RGL1: variants seen among roughly 807,000 people sequenced by gnomAD.
RGL1 encodes ral guanine nucleotide dissociation stimulator-like 1.
RGL1 carries 24 observed loss-of-function variants against 95.2 expected under a neutral mutation model. That is an observed-to-expected ratio of 0.25 (90% confidence interval 0.18 to 0.35). RGL1 has a LOEUF of 0.35. RGL1 is among the 10% of genes least tolerant of loss of function. RGL1 has a pLI of 1.00. For synonymous variants in RGL1, 329 were observed against 344.9 expected (o/e 0.95, Z 0.51); for missense variants, 715 against 936.3 (o/e 0.76, Z 3.08).
At chr1:183,869,377 G>C (rs184742396) in intron 4 of RGL1, among the ~76,000 whole-genome samples, 12 of 152,330 alleles carry the variant, frequency 7.9e-5, no homozygotes, top group African/African-American at 2.9e-4. Flanking sequence ...GCTTCACACA[G>C]AACTCCCCTG....
intron 17 of RGL1, among the ~76,000 whole-genome samples, chr1:183,922,955 A>G (rs1163435229): frequency 6.6e-6 from 1 of 152,184 alleles, no homozygotes; most frequent in East Asian, 1.9e-4. Context: ...TTTGGGGGAA[A>G]TAATCACCCT....
At chr1:183,797,177 A>G (rs745328257) in intron 2 of RGL1, among the ~76,000 whole-genome samples, 28 of 151,854 alleles carry the variant, frequency 1.8e-4, no homozygotes, top group Non-Finnish European at 4.1e-4. Context: ...AAAAAATACA[A>G]AATTAGCCGG....
At chr1:183,922,540 C>T (rs1249007934) in intron 17 of RGL1, among the ~76,000 whole-genome samples, 1 of 152,212 alleles carries the variant, frequency 6.6e-6, no homozygotes, top group Non-Finnish European at 1.5e-5. Flanking sequence ...TCCGATTCCC[C>T]AGCTCTTGTT....
intron 3 of RGL1, among the ~76,000 whole-genome samples, chr1:183,851,680 A>C (rs3010059): frequency 0.8 from 121,632 of 152,126 alleles, 48,765 homozygotes; most frequent in Middle Eastern, 0.88. Flanking sequence ...AGGAATAAAT[A>C]TCATTTATTT....
chr1:183,895,276 C>T (rs975046687), intron 9 of RGL1, among the ~76,000 whole-genome samples: 3 of 152,082 alleles, frequency 2.0e-5, no homozygotes, highest in Non-Finnish European at 4.4e-5. Context: ...TCCATCTAGA[C>T]CTAGTAGAAG....
At chr1:183,736,978 A>C (rs1419570938) in intron 1 of RGL1, among the ~76,000 whole-genome samples, 2 of 152,226 alleles carry the variant, frequency 1.3e-5, no homozygotes. Flanking sequence ...AGGAGAAAAA[A>C]ATAACGATTT....
At chr1:183,812,192 T>C (rs1661768591) in intron 2 of RGL1, among the ~76,000 whole-genome samples, 1 of 152,226 alleles carries the variant, frequency 6.6e-6, no homozygotes, top group Admixed American at 6.5e-5. Context: ...TCTTTTTACA[T>C]AAAAAATTAG....
At chr1:183,886,869 G>GT (rs1667139051) in intron 7 of RGL1, among the ~76,000 whole-genome samples, 1 of 151,898 alleles carries the variant, frequency 6.6e-6, no homozygotes, top group Non-Finnish European at 1.5e-5. Context: ...GCCCTTAATG[G>GT]TATGTTTTTA....
chr1:183,667,427 C>T (rs544340732), intron 1 of RGL1, among the ~76,000 whole-genome samples: 1 of 152,162 alleles, frequency 6.6e-6, no homozygotes, highest in East Asian at 1.9e-4. Flanking sequence ...TAGGTTCAAG[C>T]GATTCTCTAG....
chr1:183,878,483 C>A (rs1666648542), intron 4 of RGL1, among the ~76,000 whole-genome samples: 1 of 152,126 alleles, frequency 6.6e-6, no homozygotes, highest in Non-Finnish European at 1.5e-5. Context: ...CAGGCGTGAG[C>A]CACCACACCT....
chr1:183,876,737 G>T (rs1223460539), intron 4 of RGL1, among the ~76,000 whole-genome samples: 1 of 152,218 alleles, frequency 6.6e-6, no homozygotes, highest in Admixed American at 6.5e-5. Flanking sequence ...TGTGTCTTGT[G>T]TGTGTGTTCA....
chr1:183,757,919 AT>A (rs1658441944), intron 2 of RGL1, among the ~76,000 whole-genome samples: 1 of 152,212 alleles, frequency 6.6e-6, no homozygotes, highest in African/African-American at 2.4e-5. Flanking sequence ...CTAATTTTAC[AT>A]TTAGTTTTCT....
At chr1:183,778,472 A>G (rs1193872727) in intron 2 of RGL1, among the ~76,000 whole-genome samples, 1 of 152,260 alleles carries the variant, frequency 6.6e-6, no homozygotes, top group African/African-American at 2.4e-5. Context: ...GTAAAGTTTT[A>G]CTAAATAAAA....
At chr1:183,694,692 GA>G (rs1433515911) in intron 1 of RGL1, among the ~76,000 whole-genome samples, 3 of 152,224 alleles carry the variant, frequency 2.0e-5, no homozygotes, top group Non-Finnish European at 4.4e-5. Flanking sequence ...TGATAACTCA[GA>G]TTTGCAGATC....
At chr1:183,915,823 G>T (rs560718926) in intron 15 of RGL1, among the ~76,000 whole-genome samples, 12 of 152,328 alleles carry the variant, frequency 7.9e-5, no homozygotes, top group African/African-American at 2.9e-4. Context: ...CTCGACAGTG[G>T]GAATCAGGGA....
At chr1:183,649,864 T>C (rs1650588358) in intron 1 of RGL1, among the ~76,000 whole-genome samples, 1 of 152,238 alleles carries the variant, frequency 6.6e-6, no homozygotes, top group South Asian at 2.1e-4. Context: ...CAGATTGCAG[T>C]GCAGTGAGAT....
intron 4 of RGL1, among the ~76,000 whole-genome samples, chr1:183,877,327 G>C (rs576227888): frequency 2.6e-5 from 4 of 152,358 alleles, no homozygotes; most frequent in African/African-American, 9.6e-5. Context: ...TAGGACTGGA[G>C]CCAGGCTGGG....
chr1:183,866,555 G>A (rs1032573002), intron 4 of RGL1, among the ~76,000 whole-genome samples: 1 of 152,208 alleles, frequency 6.6e-6, no homozygotes, highest in Admixed American at 6.5e-5. Context: ...TCTGAGGCAG[G>A]AGCGGTGTTT....
intron 1 of RGL1, among the ~76,000 whole-genome samples, chr1:183,639,975 G>T (rs1254218179): frequency 6.6e-6 from 1 of 152,034 alleles, no homozygotes; most frequent in Non-Finnish European, 1.5e-5. Flanking sequence ...CGAAGTAGCT[G>T]GGATTACAGG....
Sources: gnomAD v4.1 joint callset for allele counts (sites outside exome capture counted in the v4.1 genomes callset) on GRCh38, gnomAD v4.1.1 for gene constraint, MANE v1.5 for transcripts, NCBI Gene and HGNC (gene_info 2026-07-23, HGNC 2026-07-21) for gene names.